The following RNF216 variants were observed in gnomAD, a reference collection of about 807,000 sequenced individuals.
RNF216 encodes the protein ring finger protein 216, also known as E3 ubiquitin-protein ligase RNF216.
RNF216 carries 72 observed loss-of-function variants against 110.8 expected under a neutral mutation model. The observed-to-expected ratio is 0.65, with a 90% confidence interval of 0.54 to 0.79. The LOEUF (loss-of-function observed/expected upper bound fraction) is 0.79. Ranked by LOEUF, RNF216 falls within the 30% of genes least tolerant of loss-of-function variation. The pLI is 0.00. For synonymous variants in RNF216, 495 were observed against 407.5 expected, an observed-to-expected ratio of 1.21 and a Z score of -2.59; for missense variants, 1,342 against 1,141.2, an observed-to-expected ratio of 1.18 and a Z score of -2.54.
chr7:5,688,708 CTTA>C (rs1791138496), intron 13 of RNF216, among the ~76,000 whole-genome samples: 1 of 152,168 alleles, frequency 6.6e-6, no homozygotes, highest in Non-Finnish European at 1.5e-5. Context: ...CTTATCCATA[CTTA>C]TTATCAGGCT....
Position 5,622,761 on chromosome 7 carries a change from T to G in RNF216, c.*99A>C. ...AACCAGCCTACCCTTCAAGCTGACT[T>G]AGGATGCAATGGTACAGACACCAGC... On this transcript the variant is annotated 3_prime_UTR_variant, in exon 17 of 17. Transcript: ENST00000389902. 8.3e-7 allele frequency: 1 copy of G among 1,202,504 alleles called. No homozygotes were observed. The highest frequency in any genetic ancestry group is 1.5e-5 in the South Asian group (1 of 67,374). The allele number at this position is 1,202,504 out of a possible 1,614,324, so 74.5% of individuals were successfully genotyped here.
At chr7:5,736,991 C>T (rs1794457303) in intron 5 of RNF216, among the ~76,000 whole-genome samples, 1 of 152,248 alleles carries the variant, frequency 6.6e-6, no homozygotes, top group Non-Finnish European at 1.5e-5. Flanking sequence ...TGAGGAGCCC[C>T]TCTGCCCGGC....
intron 13 of RNF216, among the ~76,000 whole-genome samples, chr7:5,657,203 A>G (rs910608777): frequency 6.6e-6 from 1 of 152,268 alleles, no homozygotes; most frequent in Non-Finnish European, 1.5e-5. Context: ...GACATGCCAC[A>G]GGGCATTACG....
At chr7:5,771,206 T>C (rs1433576152) in intron 1 of RNF216, among the ~76,000 whole-genome samples, 1 of 152,158 alleles carries the variant, frequency 6.6e-6, no homozygotes, top group Non-Finnish European at 1.5e-5. Context: ...AAAAGCCATA[T>C]ATGGGGTGGG....
intron 13 of RNF216, among the ~76,000 whole-genome samples, chr7:5,674,697 ACACT>A (rs1308601176): frequency 6.6e-6 from 1 of 152,090 alleles, no homozygotes; most frequent in Non-Finnish European, 1.5e-5. Context: ...AAAAGAGGTG[ACACT>A]CACTCATTTA....
rs560210672 is a variant in RNF216, at chr7:5,649,997, C to G, written c.2159+2416G>C. 9 of 152,322 alleles carry G rather than the reference C, an allele frequency of 5.9e-5. No individual in the cohort carries two copies. In the South Asian group the frequency reaches 1.0e-3, roughly 18 times the overall value. 9.4% of individuals were successfully genotyped at this position (152,322 alleles called of 1,614,324 possible). A position where few individuals can be genotyped will look rare whatever the true frequency, so the allele number is the denominator to read the frequency against. ...TACTTGAACGACATGCAGATAGAACCTGGTGAACAGGAAGTAGCAGTTATG... is the reference window on the plus strand; with the variant it reads ...TACTTGAACGACATGCAGATAGAACGTGGTGAACAGGAAGTAGCAGTTATG... On this transcript the variant is annotated intron_variant, in intron 14 of 16. Coordinates refer to ENST00000389902, the MANE Select transcript of RNF216 (RefSeq NM_207111.4).
At chr7:5,694,326 AATG>A (rs1288258408) in intron 13 of RNF216, among the ~76,000 whole-genome samples, 1 of 152,208 alleles carries the variant, frequency 6.6e-6, no homozygotes, top group African/African-American at 2.4e-5. Context: ...ACTGCTACTC[AATG>A]ATATTCTCTT....
At chr7:5,652,788 C>G (rs1163223394) in intron 13 of RNF216, among the ~76,000 whole-genome samples, 72 of 151,258 alleles carry the variant, frequency 4.8e-4, no homozygotes, top group Non-Finnish European at 4.4e-5. Context: ...AGACCCTGTC[C>G]CTTAAAAAAA....
intron 13 of RNF216, among the ~76,000 whole-genome samples, chr7:5,663,361 A>G (rs1051925438): frequency 2.4e-4 from 37 of 152,154 alleles, no homozygotes; most frequent in Non-Finnish European, 4.1e-4. Context: ...CAGGTGGATC[A>G]TGACGTCAGG....
chr7:5,745,953 T>A (rs1036621139), intron 3 of RNF216, among the ~76,000 whole-genome samples: 1 of 150,702 alleles, frequency 6.6e-6, no homozygotes, highest in African/African-American at 2.4e-5. Flanking sequence ...GAATGAAGCA[T>A]TGCCTGATGC....
chr7:5,743,719 T>C (rs1794890314), intron 3 of RNF216, among the ~76,000 whole-genome samples: 1 of 152,130 alleles, frequency 6.6e-6, no homozygotes, highest in Admixed American at 6.5e-5. Flanking sequence ...GCTAAACTGG[T>C]AACAACAGTT....
intron 13 of RNF216, among the ~76,000 whole-genome samples, chr7:5,682,533 G>A (rs1790727169): frequency 2.0e-5 from 3 of 150,750 alleles, no homozygotes; most frequent in South Asian, 4.2e-4. Context: ...TCAGCCACCC[G>A]AGTAGCTGGG....
chr7:5,709,491 A>G (rs990660420), intron 13 of RNF216, among the ~76,000 whole-genome samples: 5 of 152,166 alleles, frequency 3.3e-5, no homozygotes, highest in African/African-American at 1.2e-4. Flanking sequence ...CTCTTCTGTC[A>G]TCTTGACACT....
intron 13 of RNF216, among the ~76,000 whole-genome samples, chr7:5,660,457 A>G (rs947226655): frequency 1.3e-5 from 2 of 150,838 alleles, no homozygotes; most frequent in African/African-American, 4.9e-5. Flanking sequence ...ACACCTGGCT[A>G]ATTTTTCTAT....
At chr7:5,710,755 C>T (rs1247908637) in intron 13 of RNF216, among the ~76,000 whole-genome samples, 1 of 152,176 alleles carries the variant, frequency 6.6e-6, no homozygotes, top group African/African-American at 2.4e-5. Context: ...CCTTTCCATC[C>T]TTTGGCTACT....
intron 1 of RNF216, among the ~76,000 whole-genome samples, chr7:5,761,705 G>C (rs1211379296): frequency 1.3e-5 from 2 of 151,906 alleles, no homozygotes; most frequent in East Asian, 1.9e-4. Flanking sequence ...AGAATCGCTT[G>C]AACCCGGGAG....
chr7:5,690,661 C>T (rs1791277866), intron 13 of RNF216, among the ~76,000 whole-genome samples: 1 of 144,700 alleles, frequency 6.9e-6, no homozygotes, highest in Non-Finnish European at 1.5e-5. Context: ...TCCCATTCTA[C>T]AGAAGAGCAA....
At chr7:5,771,653 G>A (rs1333491806) in intron 1 of RNF216, among the ~76,000 whole-genome samples, 4 of 151,962 alleles carry the variant, frequency 2.6e-5, no homozygotes, top group African/African-American at 9.7e-5. Flanking sequence ...AAAAAATTTA[G>A]CCAGGCGCAG....
At chr7:5,717,582 A>AT (rs1202360172) in intron 9 of RNF216, among the ~76,000 whole-genome samples, 2 of 152,200 alleles carry the variant, frequency 1.3e-5, no homozygotes, top group Non-Finnish European at 2.9e-5. Context: ...GGCACTATTT[A>AT]TAATAGCAAA....
Sources: gnomAD v4.1 joint callset for allele counts (sites outside exome capture counted in the v4.1 genomes callset) on GRCh38, gnomAD v4.1.1 for gene constraint, MANE v1.5 for transcripts, NCBI Gene and HGNC (gene_info 2026-07-23, HGNC 2026-07-21) for gene names.